The following KIF16B variants were observed in gnomAD, a reference collection of about 807,000 sequenced individuals.
KIF16B encodes kinesin-like protein KIF16B.
A neutral mutation model predicts 156.3 loss-of-function variants in KIF16B; 98 were observed. The observed-to-expected ratio is 0.63, with a 90% confidence interval of 0.53 to 0.74. The LOEUF (loss-of-function observed/expected upper bound fraction) is 0.74, where lower values mean the gene tolerates loss of function less well. KIF16B is among the 30% of genes least tolerant of loss of function. The pLI is 0.00. For missense variants in KIF16B, 1,421 were observed against 1,606.5 expected, an observed-to-expected ratio of 0.88 and a Z score of 1.97; for synonymous variants, 564 against 583.7, an observed-to-expected ratio of 0.97 and a Z score of 0.49.
chr20:16,551,447 T>C (rs927241104), intron 1 of KIF16B, among the ~76,000 whole-genome samples: 2 of 152,178 alleles, frequency 1.3e-5, no homozygotes, highest in African/African-American at 4.8e-5. Flanking sequence ...TTCTCTCTCC[T>C]TTCCTCCTGT....
chr20:16,560,176 C>T (rs1459177279), intron 1 of KIF16B, among the ~76,000 whole-genome samples: 8 of 152,194 alleles, frequency 5.3e-5, no homozygotes, highest in Admixed American at 6.5e-5. Flanking sequence ...GGCCCATCTA[C>T]CTCGTCAAAT....
intron 22 of KIF16B, among the ~76,000 whole-genome samples, chr20:16,363,705 C>T (rs75850318): frequency 6.6e-6 from 1 of 152,268 alleles, no homozygotes; most frequent in Non-Finnish European, 1.5e-5. Flanking sequence ...TGAATAGGTC[C>T]CAAAATGATA....
chr20:16,358,425 T>A (rs910710669), intron 22 of KIF16B, among the ~76,000 whole-genome samples: 1 of 152,202 alleles, frequency 6.6e-6, no homozygotes. Context: ...TTCCCTGACC[T>A]AGTCACAGAA....
chr20:16,542,843 C>T (rs1439568534), intron 1 of KIF16B, among the ~76,000 whole-genome samples: 1 of 152,150 alleles, frequency 6.6e-6, no homozygotes, highest in Non-Finnish European at 1.5e-5. Context: ...GTTTTGTGTA[C>T]AGGGGAGTGG....
At chr20:16,558,687 T>A (rs1268041150) in intron 1 of KIF16B, among the ~76,000 whole-genome samples, 1 of 152,212 alleles carries the variant, frequency 6.6e-6, no homozygotes, top group Non-Finnish European at 1.5e-5. Flanking sequence ...AGGATTCACT[T>A]GAGGCCAGGA....
intron 24 of KIF16B, among the ~76,000 whole-genome samples, chr20:16,332,397 T>C (rs1300747408): frequency 6.6e-6 from 1 of 152,212 alleles, no homozygotes; most frequent in Admixed American, 6.5e-5. Context: ...AACAACAGCA[T>C]GGCACACCTC....
rs41306902 is a variant in KIF16B, at chr20:16,515,704, T to G, written c.232-40A>C. On this transcript the variant is annotated intron_variant, in intron 3 of 25. Coordinates refer to ENST00000354981, the MANE Select transcript of KIF16B (RefSeq NM_024704.5). ...GAACACACAAAAGATACAATTATCA[T>G]AGATTTTAATAATAGCCCCTTCAGT... 230 of 1,102,294 alleles carry G rather than the reference T, an allele frequency of 2.1e-4. 1 individual carries two copies. The African/African-American group carries it at 3.4e-3, about 16-fold the overall frequency. The allele number at this position is 1,102,294 out of a possible 1,614,324, so 68.3% of individuals were successfully genotyped here. A position where few individuals can be genotyped will look rare whatever the true frequency, so the allele number is the denominator to read the frequency against.
Position 16,379,765 on chromosome 20 carries a change from A to C in KIF16B, c.2237T>G (p.Leu746Arg). The change falls in exon 19 of 26, where the codon CTG becomes CGG. Residue 746 changes from leucine to arginine, a missense_variant. Leu to Arg is a moderately radical substitution (Grantham distance 102). Transcript: ENST00000354981. Reference protein sequence around the residue: ...EKDEQYAKLELEKKRLEEQEK... With the variant: ...EKDEQYAKLEREKKRLEEQEK... ...CTGCTCCTCTAGTCTCTTTTTTTCC[A>C]GTTCAAGCTTGGCATACTGTTCATC... 1 of 1,613,978 alleles carries C rather than the reference A, an allele frequency of 6.2e-7. No homozygotes were observed. The highest frequency in any genetic ancestry group is 1.7e-5 in the Admixed American group (1 of 60,010).
intron 25 of KIF16B, among the ~76,000 whole-genome samples, chr20:16,310,204 G>A (rs1285700373): frequency 1.3e-5 from 2 of 152,198 alleles, no homozygotes; most frequent in Admixed American, 6.5e-5. Context: ...AGAGGATAAT[G>A]CCACAGATAA....
intron 12 of KIF16B, among the ~76,000 whole-genome samples, chr20:16,458,136 G>T (rs893587816): frequency 6.6e-6 from 1 of 152,126 alleles, no homozygotes; most frequent in African/African-American, 2.4e-5. Flanking sequence ...TGCTGTAAGA[G>T]CAACCCACAA....
intron 12 of KIF16B, among the ~76,000 whole-genome samples, chr20:16,442,814 G>A (rs757851588): frequency 1.3e-5 from 2 of 152,012 alleles, no homozygotes; most frequent in Non-Finnish European, 2.9e-5. Flanking sequence ...TTATCAGAAG[G>A]GAATTTAGGA....
At chr20:16,368,893 GTCATCAGC>G (rs1184416080) in intron 22 of KIF16B, 1 of 985,676 alleles carries the variant, frequency 1.0e-6, no homozygotes, top group African/African-American at 1.7e-5. Flanking sequence ...ATCTTTATGA[GTCATCAGC>G]TCACTGAAAT....
chr20:16,508,850 G>GT (rs1477638350), intron 6 of KIF16B, among the ~76,000 whole-genome samples: 1 of 152,108 alleles, frequency 6.6e-6, no homozygotes, highest in African/African-American at 2.4e-5. Context: ...ACCCAAAAGT[G>GT]TTTTTTAAAT....
intron 24 of KIF16B, among the ~76,000 whole-genome samples, chr20:16,324,528 T>A (rs1339925561): frequency 1.3e-5 from 2 of 152,046 alleles, no homozygotes; most frequent in East Asian, 3.8e-4. Context: ...CCTTGTTTAT[T>A]GCAGAGGAAA....
chr20:16,340,088 G>C (rs1199848208), intron 23 of KIF16B, among the ~76,000 whole-genome samples: 1 of 152,112 alleles, frequency 6.6e-6, no homozygotes, highest in Non-Finnish European at 1.5e-5. Context: ...CTCCTCCCTG[G>C]CTCTTCCACA....
At chr20:16,563,635 T>C (rs2071148995) in intron 1 of KIF16B, among the ~76,000 whole-genome samples, 2 of 152,170 alleles carry the variant, frequency 1.3e-5, no homozygotes, top group Admixed American at 1.3e-4. Context: ...TCTCTCTCTC[T>C]GACAGGCAAA....
intron 1 of KIF16B, among the ~76,000 whole-genome samples, chr20:16,562,603 T>C (rs2071103459): frequency 6.6e-6 from 1 of 152,114 alleles, no homozygotes; most frequent in East Asian, 1.9e-4. Flanking sequence ...TAACAAATAC[T>C]TTCTGAGTGC....
chr20:16,446,792 T>C (rs1239796092), intron 12 of KIF16B, among the ~76,000 whole-genome samples: 4 of 152,182 alleles, frequency 2.6e-5, no homozygotes, highest in Non-Finnish European at 5.9e-5. Context: ...GGCTTAAACA[T>C]CAGTAGGCAC....
chr20:16,482,303 T>C (rs16997682), intron 12 of KIF16B, among the ~76,000 whole-genome samples: 2,972 of 151,964 alleles, frequency 0.02, 101 homozygotes, highest in African/African-American at 0.069. Context: ...CCTTAAATAA[T>C]GCAAAGGCAA....
Sources: gnomAD v4.1 joint callset for allele counts (sites outside exome capture counted in the v4.1 genomes callset) on GRCh38, gnomAD v4.1.1 for gene constraint, MANE v1.5 for transcripts, NCBI Gene and HGNC (gene_info 2026-07-23, HGNC 2026-07-21) for gene names.